Variants in LRRC63 observed in about 807,000 individuals in gnomAD.
LRRC63 encodes leucine-rich repeat-containing protein 63.
Under a neutral mutation model 49.5 loss-of-function variants are expected in LRRC63, and 40 were observed. That is an observed-to-expected ratio of 0.81 (90% CI 0.63 to 1.05). The LOEUF is 1.05. Among genes scored for constraint, LRRC63 ranks in the 50% least tolerant of loss-of-function variants. LRRC63 has a pLI of 0.00. For synonymous variants in LRRC63, 191 were observed against 221.1 expected, an observed-to-expected ratio of 0.86 and a Z score of 1.21; for missense variants, 636 against 663.1, an observed-to-expected ratio of 0.96 and a Z score of 0.45.
At chr13:46,241,272 G>A (rs1007437976) in intron 5 of LRRC63, among the ~76,000 whole-genome samples, 2 of 152,208 alleles carry the variant, frequency 1.3e-5, no homozygotes, top group Admixed American at 6.5e-5. Context: ...CTAGCCATAT[G>A]CAGAAGATTG....
chr13:46,231,509 T>A (rs915968000), intron 4 of LRRC63, among the ~76,000 whole-genome samples: 2 of 151,856 alleles, frequency 1.3e-5, no homozygotes, highest in South Asian at 2.1e-4. Context: ...ACACACTTTT[T>A]CTTTTTTCTT....
chr13:46,212,859 CT>C (rs202111793), intron 1 of LRRC63, 142 bp from the exon 2 acceptor site: 102 of 500,748 alleles, frequency 2.0e-4, no homozygotes, highest in Non-Finnish European at 2.3e-4. Flanking sequence ...TTCTTACCCT[CT>C]TTTTTTTTCA....
intron 5 of LRRC63, among the ~76,000 whole-genome samples, chr13:46,239,900 CTA>C (rs1378147902): frequency 1.3e-5 from 2 of 152,116 alleles, no homozygotes; most frequent in African/African-American, 4.8e-5. Context: ...AAAACAAAAA[CTA>C]TATGATTATC....
chr13:46,219,387 C>T (rs558472064), intron 2 of LRRC63, among the ~76,000 whole-genome samples: 2 of 152,254 alleles, frequency 1.3e-5, no homozygotes, highest in Non-Finnish European at 1.5e-5. Flanking sequence ...TTCTGCTGAT[C>T]GATTTGGCTT....
intron 9 of LRRC63, among the ~76,000 whole-genome samples, chr13:46,275,036 A>G (rs542041519): frequency 1.3e-5 from 2 of 151,778 alleles, no homozygotes; most frequent in East Asian, 3.9e-4. Flanking sequence ...TCTACTCTCT[A>G]CTTCCATGAG....
intron 2 of LRRC63, among the ~76,000 whole-genome samples, chr13:46,219,041 C>T (rs1280516668): frequency 6.6e-6 from 1 of 152,096 alleles, no homozygotes; most frequent in East Asian, 1.9e-4. Context: ...ACATTTTTTC[C>T]TTCATTTCAA....
chr13:46,213,225 A>G, intron 2 of LRRC63, 106 bp downstream of exon 2: 1 of 677,252 alleles, frequency 1.5e-6, no homozygotes, highest in South Asian at 2.3e-5. Flanking sequence ...CTAATAACTT[A>G]CAAATGTTTG....
intron 4 of LRRC63, among the ~76,000 whole-genome samples, chr13:46,233,965 G>T (rs1314970240): frequency 6.6e-6 from 1 of 152,112 alleles, no homozygotes; most frequent in East Asian, 1.9e-4. Flanking sequence ...TTTACTTTGG[G>T]GAAGATAATG....
At chr13:46,238,720 T>C (rs2046972691) in intron 5 of LRRC63, among the ~76,000 whole-genome samples, 1 of 152,192 alleles carries the variant, frequency 6.6e-6, no homozygotes, top group Admixed American at 6.5e-5. Flanking sequence ...TTATGGGAGC[T>C]ACAATTCAAG....
exon 3 of LRRC63, chr13:46,228,161 A>C: frequency 1.9e-6 from 3 of 1,549,420 alleles, no homozygotes; most frequent in Non-Finnish European, 2.6e-6. Context: ...CAGTTTTACC[A>C]AGAAAACCTC....
exon 3 of LRRC63, chr13:46,227,861 G>T (rs1031195317): frequency 1.9e-6 from 3 of 1,550,396 alleles, no homozygotes; most frequent in African/African-American, 1.4e-5. Flanking sequence ...CTGAAAAAAG[G>T]CTAGAAAACA....
chr13:46,244,795 A>G (rs1020152148), intron 5 of LRRC63, among the ~76,000 whole-genome samples: 1 of 152,180 alleles, frequency 6.6e-6, no homozygotes, highest in African/African-American at 2.4e-5. Flanking sequence ...TAGAGAATAG[A>G]AGAACAGAAA....
At chr13:46,248,935 A>C (rs1335785898) in intron 6 of LRRC63, among the ~76,000 whole-genome samples, 1 of 151,904 alleles carries the variant, frequency 6.6e-6, no homozygotes, top group African/African-American at 2.4e-5. Flanking sequence ...AAAAATTACA[A>C]AAGTCTATTT....
At chr13:46,215,614 G>A (rs1252151491) in intron 2 of LRRC63, among the ~76,000 whole-genome samples, 1 of 152,106 alleles carries the variant, frequency 6.6e-6, no homozygotes, top group Non-Finnish European at 1.5e-5. Context: ...AAGCTCTTTA[G>A]TTTAACTAGA....
intron 2 of LRRC63, among the ~76,000 whole-genome samples, chr13:46,224,376 T>G (rs1331170634): frequency 6.6e-6 from 1 of 152,160 alleles, no homozygotes; most frequent in Non-Finnish European, 1.5e-5. Flanking sequence ...TATATTTTCT[T>G]CAATTAATTC....
chr13:46,239,823 C>G (rs1014322585), intron 5 of LRRC63, among the ~76,000 whole-genome samples: 1 of 152,132 alleles, frequency 6.6e-6, no homozygotes, highest in Admixed American at 6.5e-5. Context: ...AGACTTTATC[C>G]CTGGGATGCA....
intron 2 of LRRC63, among the ~76,000 whole-genome samples, chr13:46,218,744 T>G (rs1226656164): frequency 6.6e-6 from 1 of 152,166 alleles, no homozygotes; most frequent in Admixed American, 6.5e-5. Flanking sequence ...TGGTACCAGT[T>G]TTTACCTTCC....
intron 4 of LRRC63, among the ~76,000 whole-genome samples, chr13:46,231,627 A>G (rs529977266): frequency 6.6e-6 from 1 of 152,012 alleles, no homozygotes; most frequent in African/African-American, 2.4e-5. Context: ...CTCCTGCCTC[A>G]GCCTCCTGAG....
At chr13:46,256,977 G>A (rs2047522005) in intron 7 of LRRC63, among the ~76,000 whole-genome samples, 1 of 152,162 alleles carries the variant, frequency 6.6e-6, no homozygotes, top group South Asian at 2.1e-4. Flanking sequence ...ATGAAATTAA[G>A]GGTTCTAATC....
Sources: gnomAD v4.1 joint callset for allele counts (sites outside exome capture counted in the v4.1 genomes callset) on GRCh38, gnomAD v4.1.1 for gene constraint, MANE v1.5 for transcripts, NCBI Gene and HGNC (gene_info 2026-07-23, HGNC 2026-07-21) for gene names.